Variants in MGAT2 observed in about 807,000 individuals in gnomAD.
MGAT2 encodes alpha-1,6-mannosyl-glycoprotein 2-beta-N-acetylglucosaminyltransferase.
In MGAT2, 17 loss-of-function variants were observed where a neutral mutation model predicts 33.8. That is an observed-to-expected ratio of 0.50 (90% CI 0.34 to 0.76). The LOEUF is 0.76. Among genes scored for constraint, MGAT2 ranks in the 30% least tolerant of loss-of-function variants. The probability of loss-of-function intolerance (pLI) is 0.01; values close to 1 mark genes in which losing one functional copy is unlikely to be tolerated. For missense variants in MGAT2, 529 were observed against 553.9 expected, an observed-to-expected ratio of 0.96 and a Z score of 0.45; for synonymous variants, 248 against 226.7, an observed-to-expected ratio of 1.09 and a Z score of -0.84.
In MGAT2 at chr14:49,621,502, G is replaced by A. The variant is rs1389895893; in HGVS notation, c.234G>A (p.Ala78=). ...SNVSAASLVP[A]VPQPEADNLT... ...TGTCGGCGGCTTCCCTGGTCCCGGC[G>A]GTCCCCCAGCCCGAGGCGGACAACC... The change falls in exon 1 of 1, where the codon GCG becomes GCA. Residue 78 remains alanine (A), a synonymous_variant. Coordinates refer to ENST00000305386, the MANE Select transcript of MGAT2 (RefSeq NM_002408.4). The surrounding 1 kb of genome is among the most constrained non-coding windows in gnomAD (Gnocchi z 4.6). The A allele has an allele frequency of 6.2e-7, 1 of 1,610,944 alleles. No individual in the cohort carries two copies. The highest frequency in any genetic ancestry group is 1.3e-5 in the African/African-American group (1 of 74,866).
Position 49,620,830 on chromosome 14 carries a change from G to C in MGAT2, c.-439G>C. On this transcript the variant is annotated 5_prime_UTR_variant, in exon 1 of 1. Transcript: ENST00000305386. ...GCGGGTTGTCATAACGGTCCCCGCC[G>C]GAGTGAGGCGAGGCCGCGTCGCTCA... is the stretch of plus-strand genomic sequence containing the variant. The C allele has an allele frequency of 1.6e-6, 1 of 624,684 alleles. No individual in the cohort carries two copies. The highest frequency in any genetic ancestry group is 2.9e-6 in the Non-Finnish European group (1 of 349,238). 38.7% of individuals were successfully genotyped at this position (624,684 alleles called of 1,614,324 possible).
In MGAT2 at chr14:49,623,437, A is replaced by G. The variant is rs780635680; in HGVS notation, c.*825A>G. The G allele has an allele frequency of 2.9e-4, 48 of 167,136 alleles. No individual in the cohort carries two copies. Among genetic ancestry groups the G allele is most frequent in the African/African-American group, 4.3e-4 (18 of 41,476 alleles). The allele number at this position is 167,136 out of a possible 1,614,324, so 10.4% of individuals were successfully genotyped here. On this transcript the variant is annotated 3_prime_UTR_variant, in exon 1 of 1. Transcript: ENST00000305386. ...ACATTTTAATATTTACTATTGCTAC[A>G]TTGTATAATTGAGTTTGAAATAAAA...
In MGAT2 at chr14:49,621,067, T is replaced by C; in HGVS notation, c.-202T>C. 1.3e-6 allele frequency: 1 copy of C among 767,824 alleles called. No homozygotes were observed. The highest frequency in any genetic ancestry group is 2.2e-6 in the Non-Finnish European group (1 of 446,086). The allele number at this position is 767,824 out of a possible 1,614,324, so 47.6% of individuals were successfully genotyped here. ...GCTGTAGCTGCCAGGCGAGGATGTG[T>C]GGAGCGCAGGCGGCGCGGGGTAAAT... On this transcript the variant is annotated 5_prime_UTR_variant, in exon 1 of 1. Transcript: ENST00000305386. The surrounding 1 kb of genome is among the most constrained non-coding windows in gnomAD (Gnocchi z 4.6).
In MGAT2 at chr14:49,621,174, G is replaced by A; in HGVS notation, c.-95G>A. The stretch of plus-strand genomic sequence containing the variant: ...GCGGGGGCCAGTTCCGACCGTGACA[G>A]GCCAAGGCGACGGCCGCCGCCCGCC... On this transcript the variant is annotated 5_prime_UTR_variant, in exon 1 of 1. Transcript: ENST00000305386. This position sits in a 1 kb window ranked among gnomAD's most constrained non-coding sequence, Gnocchi z 4.6. 1.8e-5 allele frequency: 28 copies of A among 1,573,958 alleles called. No homozygotes were observed. The highest frequency in any genetic ancestry group is 2.4e-5 in the Non-Finnish European group (28 of 1,159,200).
In MGAT2 at chr14:49,622,627, A is replaced by T. The variant is rs550560462; in HGVS notation, c.*15A>T. On this transcript the variant is annotated 3_prime_UTR_variant, in exon 1 of 1. Coordinates refer to ENST00000305386, the MANE Select transcript of MGAT2 (RefSeq NM_002408.4). ...GACTGCAGTGAAAATCACAGTTACA[A>T]AAGCGACAGTCTTCTATTTTTGATA... 6.3e-7 allele frequency: 1 copy of T among 1,594,940 alleles called. No individual in the cohort carries two copies. Among genetic ancestry groups the T allele is most frequent in the Non-Finnish European group, 8.5e-7 (1 of 1,174,376 alleles).
rs749618885 is a variant in MGAT2, at chr14:49,621,236, G to C, written c.-33G>C. 3 of 1,609,946 alleles carry C rather than the reference G, an allele frequency of 1.9e-6. No homozygotes were observed. The highest frequency in any genetic ancestry group is 2.7e-5 in the African/African-American group (2 of 74,774). On this transcript the variant is annotated 5_prime_UTR_variant, in exon 1 of 1. Transcript: ENST00000305386. This position sits in a 1 kb window ranked among gnomAD's most constrained non-coding sequence, Gnocchi z 4.6. Reference sequence around the variant, plus strand: ...TGCAGAAGCAGCTGCTCCTTTCCGCGCCCGCCCGCCTGCGCTCCCGGCCCT... The same window carrying C: ...TGCAGAAGCAGCTGCTCCTTTCCGCCCCCGCCCGCCTGCGCTCCCGGCCCT...
chr14:49,621,789 AGG>A lies in MGAT2; in HGVS notation c.522_523del (p.Gln174HisfsTer12). ...GGGGTGAATTTCTGTCCGGTTCTGCAGGTGTTCTTTCCTTTCAGCATTCAGTT... is the reference window on the plus strand; with the variant it reads ...GGGGTGAATTTCTGTCCGGTTCTGCATGTTCTTTCCTTTCAGCATTCAGTT... On this transcript the variant is annotated frameshift_variant, in exon 1 of 1. Coordinates refer to ENST00000305386, the MANE Select transcript of MGAT2 (RefSeq NM_002408.4). LOFTEE classifies it high-confidence loss of function. This position sits in a 1 kb window ranked among gnomAD's most constrained non-coding sequence, Gnocchi z 4.6. 6.2e-7 allele frequency: 1 copy of A among 1,614,140 alleles called. No homozygotes were observed.
At position 49,621,107 on chromosome 14, in the gene MGAT2, C is replaced by T. The variant is rs1015997625; in HGVS notation, c.-162C>T. On this transcript the variant is annotated 5_prime_UTR_variant, in exon 1 of 1. Transcript: ENST00000305386. The surrounding 1 kb of genome is among the most constrained non-coding windows in gnomAD (Gnocchi z 4.6). ...GCGGGGTAAATGAGAGGTCTCGGGC[C>T]CCAGGACCCCCGGGGCCCGGGATGA... The T allele has an allele frequency of 1.9e-6, 2 of 1,054,984 alleles. No homozygotes were observed. The highest frequency in any genetic ancestry group is 2.6e-5 in the East Asian group (1 of 38,672). 65.4% of individuals were successfully genotyped at this position (1,054,984 alleles called of 1,614,324 possible). A position where few individuals can be genotyped will look rare whatever the true frequency, so the allele number is the denominator to read the frequency against.
chr14:49,621,058 G>A lies in MGAT2; in HGVS notation c.-211G>A, dbSNP rs1333068633. 1.2e-5 allele frequency: 9 copies of A among 744,774 alleles called. No individual in the cohort carries two copies. Among genetic ancestry groups the A allele is most frequent in the Non-Finnish European group, 2.1e-5 (9 of 424,566 alleles). 46.1% of individuals were successfully genotyped at this position (744,774 alleles called of 1,614,324 possible). A position where few individuals can be genotyped will look rare whatever the true frequency, so the allele number is the denominator to read the frequency against. On this transcript the variant is annotated 5_prime_UTR_variant, in exon 1 of 1. Coordinates refer to ENST00000305386, the MANE Select transcript of MGAT2 (RefSeq NM_002408.4). The surrounding 1 kb of genome is among the most constrained non-coding windows in gnomAD (Gnocchi z 4.6). ...GATGCTCGAGCTGTAGCTGCCAGGC[G>A]AGGATGTGTGGAGCGCAGGCGGCGC...
rs1417886812 is a variant in MGAT2 at position 49,622,822 on chromosome 14, C to A, written c.*210C>A. The A allele has an allele frequency of 3.0e-5, 13 of 428,098 alleles. No individual in the cohort carries two copies. The highest frequency in any genetic ancestry group is 5.5e-5 in the Non-Finnish European group (13 of 238,138). 26.5% of individuals were successfully genotyped at this position (428,098 alleles called of 1,614,324 possible). A position where few individuals can be genotyped will look rare whatever the true frequency, so the allele number is the denominator to read the frequency against. ...TCATTTTGGGAGTAGGGTTTTAAAG[C>A]TCAATCTGTTATCTGCTAAAATTGA... is the stretch of plus-strand genomic sequence containing the variant. On this transcript the variant is annotated 3_prime_UTR_variant, in exon 1 of 1. Transcript: ENST00000305386.
At position 49,621,969 on chromosome 14, in the gene MGAT2, G is replaced by A; in HGVS notation, c.701G>A (p.Trp234Ter). 6.2e-7 allele frequency: 1 copy of A among 1,614,202 alleles called. No homozygotes were observed. Residue 234 changes from tryptophan to a stop codon, truncating the protein, a stop_gained, in exon 1 of 1, where the codon TGG becomes TAG. Transcript: ENST00000305386. LOFTEE classifies it high-confidence loss of function. The surrounding 1 kb of genome is among the most constrained non-coding windows in gnomAD (Gnocchi z 4.6). ...AAATTCTCCCAGACCAAACATCACTGGTGGTGGAAGCTGCATTTTGTGTGG... is the reference window on the plus strand; with the variant it reads ...AAATTCTCCCAGACCAAACATCACTAGTGGTGGAAGCTGCATTTTGTGTGG... ...EAKFSQTKHHWWWKLHFVWER... is the reference protein window; with the variant it reads ...EAKFSQTKHH
rs989756819 is a variant in MGAT2, at chr14:49,620,809, G to A, written c.-460G>A. The A allele has an allele frequency of 5.0e-6, 3 of 603,100 alleles. No individual in the cohort carries two copies. Among genetic ancestry groups the A allele is most frequent in the Non-Finnish European group, 5.9e-6 (2 of 339,058 alleles). The allele number at this position is 603,100 out of a possible 1,614,324, so 37.4% of individuals were successfully genotyped here. A position where few individuals can be genotyped will look rare whatever the true frequency, so the allele number is the denominator to read the frequency against. On this transcript the variant is annotated 5_prime_UTR_variant, in exon 1 of 1. Transcript: ENST00000305386. ...GCGGTGTGCCGCGGGGCAGTTGCGG[G>A]TTGTCATAACGGTCCCCGCCGGAGT...
Position 49,621,891 on chromosome 14 carries a change from TGG to T in MGAT2, c.626_627del (p.Gly209ValfsTer5), listed in dbSNP as rs1289121135. On this transcript the variant is annotated frameshift_variant, in exon 1 of 1. Coordinates refer to ENST00000305386, the MANE Select transcript of MGAT2 (RefSeq NM_002408.4). LOFTEE classifies it high-confidence loss of function. This position sits in a 1 kb window ranked among gnomAD's most constrained non-coding sequence, Gnocchi z 4.6. ...CTGCCGAAGAATGCCGCTTTGAAAT[TGG>T]GGTGCATCAATGCTGAGTATCCCGA... 1 of 1,614,062 alleles carries T rather than the reference TGG, an allele frequency of 6.2e-7. No homozygotes were observed. Among genetic ancestry groups the T allele is most frequent in the Non-Finnish European group, 8.5e-7 (1 of 1,180,030 alleles).
In MGAT2 at chr14:49,622,885, A is replaced by G. The variant is rs1421158220; in HGVS notation, c.*273A>G. 1 of 273,698 alleles carries G rather than the reference A, an allele frequency of 3.7e-6. No homozygotes were observed. The highest frequency in any genetic ancestry group is 7.3e-6 in the Non-Finnish European group (1 of 137,924). 17.0% of individuals were successfully genotyped at this position (273,698 alleles called of 1,614,324 possible). On this transcript the variant is annotated 3_prime_UTR_variant, in exon 1 of 1. Transcript: ENST00000305386. Reference sequence around the variant, plus strand: ...TGAGAGAAGAGGGGAAATTTTATTTAAATTGCATTTATTAATCTTTTTATC... The same window carrying G: ...TGAGAGAAGAGGGGAAATTTTATTTGAATTGCATTTATTAATCTTTTTATC...
rs555074020 is a variant in MGAT2, at chr14:49,622,729, G to T, written c.*117G>T. The T allele has an allele frequency of 2.0e-6, 2 of 1,017,296 alleles. No homozygotes were observed. Among genetic ancestry groups the T allele is most frequent in the African/African-American group, 1.6e-5 (1 of 61,322 alleles). 63.0% of individuals were successfully genotyped at this position (1,017,296 alleles called of 1,614,324 possible). ...TGCTTTAATACAAAAACAAAATCTT[G>T]TAAAAGGTGTCCAAATACATAGTAA... On this transcript the variant is annotated 3_prime_UTR_variant, in exon 1 of 1. Coordinates refer to ENST00000305386, the MANE Select transcript of MGAT2 (RefSeq NM_002408.4).
chr14:49,621,671 C>T lies in MGAT2; in HGVS notation c.403C>T (p.Leu135=). Residue 135 remains leucine (L), a synonymous_variant, in exon 1 of 1, where the codon CTG becomes TTG. Coordinates refer to ENST00000305386, the MANE Select transcript of MGAT2 (RefSeq NM_002408.4). This position sits in a 1 kb window ranked among gnomAD's most constrained non-coding sequence, Gnocchi z 4.6. The stretch of plus-strand genomic sequence containing the variant: ...CCGGCCCGAATACCTCAGACTGCTG[C>T]TGGACTCACTTCGAAAAGCCCAGGG... ...HNRPEYLRLL[L]DSLRKAQGID... is the part of the protein sequence containing the mutation. 1 of 1,614,166 alleles carries T rather than the reference C, an allele frequency of 6.2e-7. No homozygotes were observed.
chr14:49,622,161 G>T lies in MGAT2; in HGVS notation c.893G>T (p.Arg298Leu). 1 of 1,614,132 alleles carries T rather than the reference G, an allele frequency of 6.2e-7. No individual in the cohort carries two copies. Among genetic ancestry groups the T allele is most frequent in the Non-Finnish European group, 8.5e-7 (1 of 1,180,012 alleles). Residue 298 changes from arginine (R) to leucine (L), a missense_variant, in exon 1 of 1, where the codon CGC becomes CTC. By Grantham distance (102) the Arg-to-Leu change is moderately radical. This residue lies in a region of MGAT2 where 501 missense variants were observed against 501.1 expected (regional missense o/e 1.00). Coordinates refer to ENST00000305386, the MANE Select transcript of MGAT2 (RefSeq NM_002408.4). ...VLSLGTYSAS[R>L]SFYGMADKVD... The stretch of plus-strand genomic sequence containing the variant: ...TCCCTGGGGACCTATAGTGCCAGTC[G>T]CAGTTTCTATGGCATGGCTGACAAG...
In MGAT2 at chr14:49,621,498, C is replaced by T. The variant is rs372538664; in HGVS notation, c.230C>T (p.Pro77Leu). ...AACGTGTCGGCGGCTTCCCTGGTCC[C>T]GGCGGTCCCCCAGCCCGAGGCGGAC... Reference protein sequence around the residue: ...VSNVSAASLVPAVPQPEADNL... With the variant: ...VSNVSAASLVLAVPQPEADNL... The change falls in exon 1 of 1, where the codon CCG (proline) becomes CTG (leucine). Residue 77 changes from proline to leucine, a missense_variant. By Grantham distance (98) the Pro-to-Leu change is moderately conservative. Transcript: ENST00000305386. This position sits in a 1 kb window ranked among gnomAD's most constrained non-coding sequence, Gnocchi z 4.6. 23 of 1,611,016 alleles carry T rather than the reference C, an allele frequency of 1.4e-5. No individual in the cohort carries two copies. In the African/African-American group the frequency reaches 2.8e-4, roughly 20 times the overall value.
rs979976057 is a variant in MGAT2 at position 49,622,908 on chromosome 14, A to G, written c.*296A>G. ...TTAAATTGCATTTATTAATCTTTTT[A>G]TCTGAAACTTTGTACACTTTTCCAC... On this transcript the variant is annotated 3_prime_UTR_variant, in exon 1 of 1. Coordinates refer to ENST00000305386, the MANE Select transcript of MGAT2 (RefSeq NM_002408.4). 2.2e-5 allele frequency: 5 copies of G among 228,320 alleles called. No homozygotes were observed. The highest frequency in any genetic ancestry group is 9.2e-5 in the African/African-American group (4 of 43,416). The allele number at this position is 228,320 out of a possible 1,614,324, so 14.1% of individuals were successfully genotyped here.
Sources: gnomAD v4.1 joint callset for allele counts on GRCh38, gnomAD v4.1.1 for gene constraint, gnomAD v4.1.1 regional missense constraint, Gnocchi (gnomAD v3.1) non-coding constraint, MANE v1.5 for transcripts, NCBI Gene and HGNC (gene_info 2026-07-23, HGNC 2026-07-21) for gene names.